Variants in NAALADL2 observed in about 807,000 individuals in gnomAD.
NAALADL2 encodes inactive N-acetylated-alpha-linked acidic dipeptidase-like protein 2.
Under a neutral mutation model 87.2 loss-of-function variants are expected in NAALADL2, and 76 were observed. The ratio of observed to expected loss-of-function variants is 0.87; its 90% CI spans 0.72 to 1.05. NAALADL2 has a LOEUF of 1.05. Among genes scored for constraint, NAALADL2 ranks in the 50% least tolerant of loss-of-function variants. The pLI is 0.00. For synonymous variants in NAALADL2, 354 were observed against 331.0 expected (o/e 1.07, Z -0.75); for missense variants, 1,089 against 945.8 (o/e 1.15, Z -1.99).
chr3:175,006,661 G>A (rs1049351040), intron 1 of NAALADL2, among the ~76,000 whole-genome samples: 1 of 149,802 alleles, frequency 6.7e-6, no homozygotes, highest in Non-Finnish European at 1.5e-5. Flanking sequence ...AAAAAAAATT[G>A]TTTTTCTGCT....
At chr3:175,667,878 C>G (rs1445974270) in intron 11 of NAALADL2, among the ~76,000 whole-genome samples, 4 of 150,600 alleles carry the variant, frequency 2.7e-5, no homozygotes, top group Non-Finnish European at 4.4e-5. Context: ...GGTTTTAATA[C>G]TCTTAAAATC....
intron 2 of NAALADL2, among the ~76,000 whole-genome samples, chr3:174,564,576 A>G (rs1368763115): frequency 6.6e-6 from 1 of 152,168 alleles, no homozygotes; most frequent in Non-Finnish European, 1.5e-5. Context: ...TAAGTAACCT[A>G]ATAGTATTTC....
At chr3:175,250,468 A>G (rs1748861145) in intron 3 of NAALADL2, among the ~76,000 whole-genome samples, 1 of 152,190 alleles carries the variant, frequency 6.6e-6, no homozygotes, top group Admixed American at 6.5e-5. Context: ...ATGACAGCCA[A>G]TTCTCAGAGA....
intron 9 of NAALADL2, among the ~76,000 whole-genome samples, chr3:175,552,560 C>T (rs551033943): frequency 2.0e-4 from 30 of 152,122 alleles, no homozygotes; most frequent in African/African-American, 6.7e-4. Context: ...CTGAATGTTT[C>T]TTTTTTATAA....
chr3:174,983,267 C>T (rs1745372412), intron 1 of NAALADL2, among the ~76,000 whole-genome samples: 1 of 152,090 alleles, frequency 6.6e-6, no homozygotes, highest in Non-Finnish European at 1.5e-5. Context: ...GCAGGGTAAA[C>T]AGCTTAGGAT....
chr3:175,625,287 A>G (rs1431728690), intron 10 of NAALADL2, among the ~76,000 whole-genome samples: 1 of 152,060 alleles, frequency 6.6e-6, no homozygotes, highest in Admixed American at 6.6e-5. Flanking sequence ...CATGTTTCAA[A>G]CATTATGGGT....
chr3:175,626,190 T>C (rs566185768), intron 10 of NAALADL2, among the ~76,000 whole-genome samples: 1 of 152,044 alleles, frequency 6.6e-6, no homozygotes, highest in Admixed American at 6.6e-5. Context: ...TATTGGTTCA[T>C]CTACTTACAA....
intron 9 of NAALADL2, among the ~76,000 whole-genome samples, chr3:175,542,332 G>A (rs537851620): frequency 6.6e-6 from 1 of 152,288 alleles, no homozygotes; most frequent in South Asian, 2.1e-4. Flanking sequence ...ATTTCCAGAT[G>A]TATGTTATAA....
At chr3:175,069,470 T>C (rs11715673) in intron 1 of NAALADL2, among the ~76,000 whole-genome samples, 1 of 149,724 alleles carries the variant, frequency 6.7e-6, no homozygotes, top group East Asian at 1.9e-4. Context: ...AGATACCATC[T>C]CACACCAGTT....
intron 1 of NAALADL2, among the ~76,000 whole-genome samples, chr3:174,450,150 C>G (rs1051380402): frequency 7.9e-5 from 12 of 152,110 alleles, no homozygotes; most frequent in Non-Finnish European, 1.8e-4. Flanking sequence ...GATCCCACCA[C>G]TTGAAAAAAA....
chr3:175,194,694 A>G (rs180902676), intron 2 of NAALADL2, among the ~76,000 whole-genome samples: 55 of 151,974 alleles, frequency 3.6e-4, no homozygotes, highest in African/African-American at 1.2e-3. Context: ...AATGGCATTA[A>G]TAATTATGGC....
At chr3:174,667,584 ATGT>A (rs71164603) in intron 2 of NAALADL2, among the ~76,000 whole-genome samples, 95,043 of 142,000 alleles carry the variant, frequency 0.67, 32,064 homozygotes, top group Admixed American at 0.73. Flanking sequence ...TTGAGTTGTA[ATGT>A]TGTCTCTCAA....
Position 174,518,061 on chromosome 3 carries a change from G to A in NAALADL2, c.-183-32508G>A, listed in dbSNP as rs970085602. Among the ~76,000 whole-genome samples the A allele has an allele frequency of 6.6e-5, 10 of 152,150 alleles. No individual in the cohort carries two copies. In the East Asian group the frequency reaches 1.9e-3, roughly 29 times the overall value. On this transcript the variant is annotated intron_variant, in intron 1 of 3. Coordinates refer to the NAALADL2 transcript ENST00000434257. ...AAAATTGCACAGACTCGAAAAAACT[G>A]GAGAATGTATGCCCTATTTAAGATG...
At chr3:175,632,742 T>G (rs1315526969) in intron 11 of NAALADL2, among the ~76,000 whole-genome samples, 1 of 152,080 alleles carries the variant, frequency 6.6e-6, no homozygotes, top group African/African-American at 2.4e-5. Context: ...ACATTGGATA[T>G]ATGGAGTTCT....
chr3:175,372,192 T>C (rs1277237790), intron 5 of NAALADL2, among the ~76,000 whole-genome samples: 8 of 152,158 alleles, frequency 5.3e-5, no homozygotes, highest in Admixed American at 3.3e-4. Context: ...GGAGTCGCTA[T>C]GTTTTTAGCT....
intron 4 of NAALADL2, among the ~76,000 whole-genome samples, chr3:175,262,975 T>C (rs376296090): frequency 6.7e-6 from 1 of 149,476 alleles, no homozygotes; most frequent in East Asian, 2.0e-4. Flanking sequence ...AAGGCACTTC[T>C]TACCTAATTC....
intron 11 of NAALADL2, among the ~76,000 whole-genome samples, chr3:175,721,846 T>G (rs1742281481): frequency 6.6e-6 from 1 of 152,092 alleles, no homozygotes; most frequent in Non-Finnish European, 1.5e-5. Context: ...GAGCTACTCC[T>G]GGAGAAGTTA....
chr3:175,376,030 C>T (rs1767080237), intron 5 of NAALADL2, among the ~76,000 whole-genome samples: 1 of 152,050 alleles, frequency 6.6e-6, no homozygotes, highest in Non-Finnish European at 1.5e-5. Context: ...AACTTCATGA[C>T]TGTATACTTT....
intron 5 of NAALADL2, among the ~76,000 whole-genome samples, chr3:175,395,184 G>C (rs921970192): frequency 7.2e-5 from 11 of 152,066 alleles, no homozygotes; most frequent in Non-Finnish European, 1.5e-4. Context: ...TGGACAGGGA[G>C]ATCATTCACA....
Sources: gnomAD v4.1 joint callset for allele counts (sites outside exome capture counted in the v4.1 genomes callset) on GRCh38, gnomAD v4.1.1 for gene constraint, MANE v1.5 for transcripts, NCBI Gene and HGNC (gene_info 2026-07-23, HGNC 2026-07-21) for gene names.